Variants in MCAM observed in about 807,000 individuals in gnomAD.
MCAM encodes melanoma cell adhesion molecule, also known as cell surface glycoprotein MUC18.
A neutral mutation model predicts 79.1 loss-of-function variants in MCAM; 55 were observed. The ratio of observed to expected loss-of-function variants is 0.70; its 90% CI spans 0.56 to 0.87. MCAM has a LOEUF of 0.87. MCAM is among the 40% of genes least tolerant of loss of function. The pLI is 0.00. For missense variants in MCAM, 745 were observed against 839.8 expected (o/e 0.89, Z 1.40); for synonymous variants, 330 against 339.8 (o/e 0.97, Z 0.32).
At chr11:119,313,258 A>C in intron 5 of MCAM, 1 of 1,380,104 alleles carries the variant, frequency 7.2e-7, no homozygotes. Flanking sequence ...TGCTATGCGT[A>C]GTATGGAAAA....
rs1411484985 is a variant in MCAM at position 119,316,595 on chromosome 11, G to T, written c.67+440C>A. ...TGGCGTGATGCCCAGGCAGAAGGGG[G>T]AAGGGGTGGGTCGGCGCACCCCCTC... On this transcript the variant is annotated intron_variant, in intron 1 of 15. Transcript: ENST00000264036. The surrounding 1 kb of genome is among the most constrained non-coding windows in gnomAD (Gnocchi z 4.8). The T allele has an allele frequency of 6.3e-6, 1 of 158,840 alleles. No individual in the cohort carries two copies. The highest frequency in any genetic ancestry group is 1.4e-5 in the Non-Finnish European group (1 of 72,096). The allele number at this position is 158,840 out of a possible 1,614,324, so 9.8% of individuals were successfully genotyped here. A position where few individuals can be genotyped will look rare whatever the true frequency, so the allele number is the denominator to read the frequency against.
rs755831516 is a variant in MCAM at position 119,310,341 on chromosome 11, C to T, written c.1911+8G>A. On this transcript the variant is annotated splice_region_variant and intron_variant, in intron 15 of 15. Transcript: ENST00000264036. ...TGGCAGGCTCTGGCCACAGGAACCG[C>T]CTCCTACCTGGTCTCCCGGAGCCCT... The T allele has an allele frequency of 1.3e-6, 2 of 1,593,024 alleles. No individual in the cohort carries two copies. Among genetic ancestry groups the T allele is most frequent in the East Asian group, 4.5e-5 (2 of 44,782 alleles).
chr11:119,317,074 A>C lies in MCAM; in HGVS notation c.28T>G (p.Phe10Val). 1 of 1,534,900 alleles carries C rather than the reference A, an allele frequency of 6.5e-7. No individual in the cohort carries two copies. The highest frequency in any genetic ancestry group is 8.7e-7 in the Non-Finnish European group (1 of 1,144,332). Residue 10 changes from phenylalanine (F) to valine (V), a missense_variant, in exon 1 of 16, where the codon TTC (phenylalanine) becomes GTC (valine). Physicochemically the swap from Phe to Val is conservative, Grantham distance 50. Coordinates refer to ENST00000264036, the MANE Select transcript of MCAM (RefSeq NM_006500.3). The surrounding 1 kb of genome is among the most constrained non-coding windows in gnomAD (Gnocchi z 6.2). Reference sequence around the variant, plus strand: ...CAGCAGCAGCAGGCGGCGAGCAAGAAGGCGCAGACCAGCCTGGGAAGCCCC... The same window carrying C: ...CAGCAGCAGCAGGCGGCGAGCAAGACGGCGCAGACCAGCCTGGGAAGCCCC... MGLPRLVCA[F>V]LLAACCCCPR...
rs764320448 is a variant in MCAM at position 119,311,784 on chromosome 11, C to G, written c.1285+24G>C. ...ACCACCCCACTTGGGGTGACCTGGT[C>G]TCTACCCAGAGGGAGGGCCTCACCA... On this transcript the variant is annotated intron_variant, in intron 10 of 15. Coordinates refer to ENST00000264036, the MANE Select transcript of MCAM (RefSeq NM_006500.3). The surrounding 1 kb of genome is among the most constrained non-coding windows in gnomAD (Gnocchi z 4.4). The G allele has an allele frequency of 6.2e-7, 1 of 1,613,252 alleles. No homozygotes were observed. Among genetic ancestry groups the G allele is most frequent in the South Asian group, 1.1e-5 (1 of 90,986 alleles).
Position 119,311,292 on chromosome 11 carries a change from A to G in MCAM, c.1537T>C (p.Phe513Leu). The change falls in exon 12 of 16, where the codon TTC becomes CTC. Residue 513 changes from phenylalanine to leucine, a missense_variant. By Grantham distance (22) the Phe-to-Leu change is conservative. Transcript: ENST00000264036. This position sits in a 1 kb window ranked among gnomAD's most constrained non-coding sequence, Gnocchi z 4.4. ...NDLGKNTSIL[F>L]LELVNLTTLT... The stretch of plus-strand genomic sequence containing the variant: ...ATGCAGCCCTCACCCAGCTCCAGGA[A>G]GAGGATGCTGGTGTTTTTGCCCAGG... The G allele has an allele frequency of 6.2e-7, 1 of 1,614,204 alleles. No homozygotes were observed. Among genetic ancestry groups the G allele is most frequent in the South Asian group, 1.1e-5 (1 of 91,086 alleles).
intron 15 of MCAM, 79 bp from the exon 16 acceptor site, chr11:119,309,994 A>T (rs1334566068): frequency 8.2e-7 from 1 of 1,216,894 alleles, no homozygotes; most frequent in African/African-American, 1.5e-5. Context: ...GGAAGGAGAG[A>T]TGGAAGCAGA....
At chr11:119,310,501 T>A (rs761695378) in intron 14 of MCAM, 35 bp from the exon 15 acceptor site, 2 of 1,396,778 alleles carry the variant, frequency 1.4e-6, no homozygotes, top group East Asian at 4.6e-5. Flanking sequence ...GGTTGGTATC[T>A]CAGGGCCACA....
rs750414496 is a variant in MCAM, at chr11:119,312,113, A to G, written c.1082T>C (p.Leu361Pro). 1 of 1,612,892 alleles carries G rather than the reference A, an allele frequency of 6.2e-7. No homozygotes were observed. Among genetic ancestry groups the G allele is most frequent in the South Asian group, 1.1e-5 (1 of 90,958 alleles). The part of the protein sequence containing the change: ...AAPERQEGSS[L>P]TLTCEAESSQ... ...ACTCTCTGCCTCACAGGTCAGGGTG[A>G]GGCTGCTGCCTTCCTGTCTCTCAGG... Residue 361 changes from leucine to proline, a missense_variant, in exon 9 of 16, where the codon CTC becomes CCC. By Grantham distance (98) the Leu-to-Pro change is moderately conservative. Coordinates refer to ENST00000264036, the MANE Select transcript of MCAM (RefSeq NM_006500.3). The surrounding 1 kb of genome is among the most constrained non-coding windows in gnomAD (Gnocchi z 4.9).
At position 119,314,761 on chromosome 11, in the gene MCAM, T is replaced by C. The variant is rs780110500; in HGVS notation, c.401-12A>G. On this transcript the variant is annotated splice_polypyrimidine_tract_variant and intron_variant, in intron 3 of 15. Transcript: ENST00000264036. Reference sequence around the variant, plus strand: ...CTCCTCCGGAGCTTCTACAAGAAAATAGAAATGAGGGGGACATCTGGCCAC... The same window carrying C: ...CTCCTCCGGAGCTTCTACAAGAAAACAGAAATGAGGGGGACATCTGGCCAC... 33 of 1,613,328 alleles carry C rather than the reference T, an allele frequency of 2.0e-5. No individual in the cohort carries two copies. The highest frequency in any genetic ancestry group is 2.7e-5 in the Non-Finnish European group (32 of 1,179,844).
chr11:119,311,455 G>A lies in MCAM; in HGVS notation c.1408-34C>T, dbSNP rs764027249. 2 of 1,613,718 alleles carry A rather than the reference G, an allele frequency of 1.2e-6. No homozygotes were observed. The highest frequency in any genetic ancestry group is 2.2e-5 in the South Asian group (2 of 91,074). On this transcript the variant is annotated intron_variant, in intron 11 of 15. Transcript: ENST00000264036. This position sits in a 1 kb window ranked among gnomAD's most constrained non-coding sequence, Gnocchi z 4.4. ...AAAGGAAGGAGGCAGCTCAGGGGAT[G>A]GGGAGGATCTCTGGTCCTGGCCACA...
rs757117283 is a variant in MCAM, at chr11:119,312,783, G to A, written c.726C>T (p.Thr242=). Residue 242 remains threonine, a synonymous_variant, in exon 6 of 16, where the codon ACC becomes ACT. Coordinates refer to ENST00000264036, the MANE Select transcript of MCAM (RefSeq NM_006500.3). This position sits in a 1 kb window ranked among gnomAD's most constrained non-coding sequence, Gnocchi z 4.9. ...GTTAGTACTCACAGAAAACAGGGAC[G>A]GTGACTTCCCTGGACTCCTTCATGT... ...GNHMKESREV[T]VPVFYPTEKV... 16 of 1,614,102 alleles carry A rather than the reference G, an allele frequency of 9.9e-6. No individual in the cohort carries two copies. The highest frequency in any genetic ancestry group is 4.5e-5 in the East Asian group (2 of 44,872).
chr11:119,311,555 G>T lies in MCAM; in HGVS notation c.1382C>A (p.Thr461Asn). 1 of 1,614,150 alleles carries T rather than the reference G, an allele frequency of 6.2e-7. No homozygotes were observed. The highest frequency in any genetic ancestry group is 1.3e-5 in the African/African-American group (1 of 75,040). ...CGTGCCGTTGACGTTCCAGGAGATG[G>T]TGGGCCGGGGGTGCCCTGACGCTTC... ...SCEASGHPRP[T>N]ISWNVNGTAS... The change falls in exon 11 of 16, where the codon ACC becomes AAC. Residue 461 changes from threonine (T) to asparagine (N), a missense_variant. By Grantham distance (65) the Thr-to-Asn change is moderately conservative (BLOSUM62 0). Coordinates refer to ENST00000264036, the MANE Select transcript of MCAM (RefSeq NM_006500.3). The surrounding 1 kb of genome is among the most constrained non-coding windows in gnomAD (Gnocchi z 4.4).
rs192503064 is a variant in MCAM at position 119,309,973 on chromosome 11, G to A, written c.1912-58C>T. ...GGAGACGGTGCTGAGTTGAAGGTGT[G>A]AGCACCGAGAGGAAGGAGAGATGGA... On this transcript the variant is annotated intron_variant, in intron 15 of 15. Coordinates refer to ENST00000264036, the MANE Select transcript of MCAM (RefSeq NM_006500.3). 7.3e-6 allele frequency: 10 copies of A among 1,378,528 alleles called. No homozygotes were observed. The African/African-American group carries it at 1.4e-4, about 20-fold the overall frequency. 85.4% of individuals were successfully genotyped at this position (1,378,528 alleles called of 1,614,324 possible). A position where few individuals can be genotyped will look rare whatever the true frequency, so the allele number is the denominator to read the frequency against.
chr11:119,311,147 T>G lies in MCAM; in HGVS notation c.1588A>C (p.Thr530Pro). The G allele has an allele frequency of 3.1e-6, 5 of 1,614,076 alleles. No individual in the cohort carries two copies. Among genetic ancestry groups the G allele is most frequent in the Non-Finnish European group, 4.2e-6 (5 of 1,179,990 alleles). Residue 530 changes from threonine (T) to proline (P), a missense_variant, in exon 13 of 16, where the codon ACT (threonine) becomes CCT (proline). Thr to Pro is a conservative substitution (Grantham distance 38). Transcript: ENST00000264036. This position sits in a 1 kb window ranked among gnomAD's most constrained non-coding sequence, Gnocchi z 4.4. The stretch of plus-strand genomic sequence containing the variant: ...CTGGCAGTGGAAGTGCTGAGGCCAG[T>G]GGTTGTGTTGGAGTCTGGTGTGAGG... ...TTLTPDSNTT[T>P]GLSTSTASPH...
In MCAM at chr11:119,312,798, CTCCT is replaced by C; in HGVS notation, c.707_710del (p.Lys236SerfsTer26). 1 of 1,614,194 alleles carries C rather than the reference CTCCT, an allele frequency of 6.2e-7. No homozygotes were observed. The highest frequency in any genetic ancestry group is 1.3e-5 in the African/African-American group (1 of 75,052). The stretch of plus-strand genomic sequence containing the variant: ...AAACAGGGACGGTGACTTCCCTGGA[CTCCT>C]TCATGTGGTTCCCACTGGGCAGCCG... On this transcript the variant is annotated frameshift_variant, in exon 6 of 16. Transcript: ENST00000264036. LOFTEE classifies it high-confidence loss of function. This position sits in a 1 kb window ranked among gnomAD's most constrained non-coding sequence, Gnocchi z 4.9.
chr11:119,310,555 C>T, intron 14 of MCAM, 89 bp from the exon 15 acceptor site: 2 of 1,103,294 alleles, frequency 1.8e-6, no homozygotes, highest in Non-Finnish European at 2.8e-6. Flanking sequence ...TGGATGAGGG[C>T]TCCTTGCTCC....
In MCAM at chr11:119,309,824, A is replaced by T; in HGVS notation, c.*62T>A. On this transcript the variant is annotated 3_prime_UTR_variant, in exon 16 of 16. Transcript: ENST00000264036. ...AGTCCCTTTGGAGGCTTTGGCTGAG[A>T]GAAGAGTGAGCAGGGAGCTGGGAAT... is the stretch of plus-strand genomic sequence containing the variant. 3 of 1,512,472 alleles carry T rather than the reference A, an allele frequency of 2.0e-6. No homozygotes were observed. The South Asian group carries it at 3.6e-5, about 18-fold the overall frequency. 93.7% of individuals were successfully genotyped at this position (1,512,472 alleles called of 1,614,324 possible).
chr11:119,309,506 C>A lies in MCAM; in HGVS notation c.*380G>T. ...GTGCACCTGGATGGTGGAAGCCAGCCTTTGGGGCAGGAAACCAGCTCAGAG... is the reference window on the plus strand; with the variant it reads ...GTGCACCTGGATGGTGGAAGCCAGCATTTGGGGCAGGAAACCAGCTCAGAG... On this transcript the variant is annotated 3_prime_UTR_variant, in exon 16 of 16. Transcript: ENST00000264036. 1 of 276,774 alleles carries A rather than the reference C, an allele frequency of 3.6e-6. No homozygotes were observed. Among genetic ancestry groups the A allele is most frequent in the Non-Finnish European group, 6.9e-6 (1 of 144,320 alleles). 17.1% of individuals were successfully genotyped at this position (276,774 alleles called of 1,614,324 possible).
Position 119,311,621 on chromosome 11 carries a change from T to C in MCAM, c.1316A>G (p.Lys439Arg), listed in dbSNP as rs1327199233. 1 of 1,614,124 alleles carries C rather than the reference T, an allele frequency of 6.2e-7. No homozygotes were observed. The highest frequency in any genetic ancestry group is 1.1e-5 in the South Asian group (1 of 91,074). The change falls in exon 11 of 16, where the codon AAG (lysine) becomes AGG (arginine). Residue 439 changes from lysine to arginine, a missense_variant. Coordinates refer to ENST00000264036, the MANE Select transcript of MCAM (RefSeq NM_006500.3). This position sits in a 1 kb window ranked among gnomAD's most constrained non-coding sequence, Gnocchi z 4.4. ...CACCATATTCTCTTTCACCCACACC[T>C]TCCTCTCCTTGAATGCCATCCAAGG... ...GPPWMAFKER[K>R]VWVKENMVLN...
Sources: allele counts gnomAD v4.1 joint callset, GRCh38; gene constraint gnomAD v4.1.1; non-coding constraint Gnocchi (gnomAD v3.1); transcripts MANE v1.5; gene names NCBI Gene and HGNC (gene_info 2026-07-23, HGNC 2026-07-21).